The following KIF26B variants were observed in gnomAD, a reference collection of about 807,000 sequenced individuals.
The protein encoded by KIF26B is kinesin family member 26B.
Under a neutral mutation model 151.2 loss-of-function variants are expected in KIF26B, and 63 were observed. That is an observed-to-expected ratio of 0.42 (90% CI 0.34 to 0.51). The LOEUF (loss-of-function observed/expected upper bound fraction) is 0.51. Ranked by LOEUF, KIF26B falls within the 20% of genes least tolerant of loss-of-function variation. The probability of loss-of-function intolerance (pLI) is 0.07; values close to 1 mark genes in which losing one functional copy is unlikely to be tolerated. For synonymous variants in KIF26B, 1,357 were observed against 1,262.1 expected, an observed-to-expected ratio of 1.08 and a Z score of -1.59; for missense variants, 2,813 against 2,913.6, an observed-to-expected ratio of 0.97 and a Z score of 0.79.
In KIF26B at chr1:245,708,667, G is replaced by A. The variant is rs2044870468; in HGVS notation, c.*6061G>A. 6.6e-6 allele frequency: 1 copy of A among 152,140 alleles called. No individual in the cohort carries two copies. Among genetic ancestry groups the A allele is most frequent in the Non-Finnish European group, 1.5e-5 (1 of 68,042 alleles). 9.4% of individuals were successfully genotyped at this position (152,140 alleles called of 1,614,324 possible). ...ATATTCCATAGGACAGAAAACCTGA[G>A]TTCTAATTCCAGCTTTGCCAGTCGT... On this transcript the variant is annotated 3_prime_UTR_variant, in exon 15 of 15. Transcript: ENST00000407071.
intron 2 of KIF26B, among the ~76,000 whole-genome samples, chr1:245,189,684 G>A (rs557881158): frequency 6.6e-6 from 1 of 152,016 alleles, no homozygotes; most frequent in East Asian, 1.9e-4. Flanking sequence ...CCTTCTCTGT[G>A]GCAGGGAGGA....
chr1:245,539,080 A>G (rs1042310214), intron 4 of KIF26B, among the ~76,000 whole-genome samples: 1 of 152,122 alleles, frequency 6.6e-6, no homozygotes, highest in Non-Finnish European at 1.5e-5. Flanking sequence ...CTTTCTCATC[A>G]TCCTACAATA....
intron 2 of KIF26B, among the ~76,000 whole-genome samples, chr1:245,281,920 T>C (rs1156324347): frequency 1.3e-5 from 2 of 151,658 alleles, no homozygotes; most frequent in African/African-American, 4.9e-5. Flanking sequence ...GTTGTAGATA[T>C]GCGGTGTTAT....
intron 2 of KIF26B, among the ~76,000 whole-genome samples, chr1:245,284,614 G>A (rs1158823744): frequency 2.6e-5 from 4 of 152,152 alleles, no homozygotes; most frequent in African/African-American, 7.2e-5. Flanking sequence ...CCTAGTTTTT[G>A]TAGAGTTCTC....
At chr1:245,315,498 G>A (rs1671751084) in intron 2 of KIF26B, among the ~76,000 whole-genome samples, 1 of 152,110 alleles carries the variant, frequency 6.6e-6, no homozygotes. Context: ...TAGGCAGGTG[G>A]ATCACCTGAG....
chr1:245,254,567 A>G (rs766625895), intron 2 of KIF26B, among the ~76,000 whole-genome samples: 2 of 152,230 alleles, frequency 1.3e-5, no homozygotes, highest in Non-Finnish European at 2.9e-5. Context: ...TTCCTATTGA[A>G]AGATACTTGT....
chr1:245,546,939 C>T (rs1181862888), intron 5 of KIF26B, among the ~76,000 whole-genome samples: 1 of 152,248 alleles, frequency 6.6e-6, no homozygotes, highest in African/African-American at 2.4e-5. Flanking sequence ...TTGAGCCTTC[C>T]TTCAACCGAT....
chr1:245,700,268 A>AC, intron 14 of KIF26B, among the ~76,000 whole-genome samples: 1 of 152,294 alleles, frequency 6.6e-6, no homozygotes, highest in South Asian at 2.1e-4. Flanking sequence ...TGGTGACTAC[A>AC]CCATAGGGCA....
rs978292470 is a variant in KIF26B at position 245,704,270 on chromosome 1, C to CAACA, written c.*1666_*1669dup. 3 of 152,248 alleles carry CAACA rather than the reference C, an allele frequency of 2.0e-5. No homozygotes were observed. Among genetic ancestry groups the CAACA allele is most frequent in the South Asian group, 2.1e-4 (1 of 4,830 alleles). The allele number at this position is 152,248 out of a possible 1,614,324, so 9.4% of individuals were successfully genotyped here. ...TCCAAGCTAGGCTGTCTTTATTAAC[C>CAACA]AACAACTCAGCCCCAGCCACTCCCC... On this transcript the variant is annotated 3_prime_UTR_variant, in exon 15 of 15. Coordinates refer to ENST00000407071, the MANE Select transcript of KIF26B (RefSeq NM_018012.4).
chr1:245,281,923 G>A (rs761481964), intron 2 of KIF26B, among the ~76,000 whole-genome samples: 5,986 of 150,892 alleles, frequency 0.04, 133 homozygotes, highest in African/African-American at 0.061. Context: ...GTAGATATGC[G>A]GTGTTATTTC....
At chr1:245,582,168 G>C (rs1390611492) in intron 5 of KIF26B, among the ~76,000 whole-genome samples, 1 of 152,158 alleles carries the variant, frequency 6.6e-6, no homozygotes, top group African/African-American at 2.4e-5. Flanking sequence ...GTCTGTGTTT[G>C]CTGAATGATG....
chr1:245,527,555 A>ATTTTTTTTTTTTT (rs1661266750), intron 4 of KIF26B, among the ~76,000 whole-genome samples: 1 of 10,824 alleles, frequency 9.2e-5, no homozygotes, highest in African/African-American at 3.7e-4. Flanking sequence ...TTTTTTTGAG[A>ATTTTTTTTTTTTT]TGGAGTCTGG....
intron 2 of KIF26B, among the ~76,000 whole-genome samples, chr1:245,332,520 C>G (rs1411666855): frequency 3.9e-5 from 6 of 152,166 alleles, no homozygotes; most frequent in African/African-American, 1.4e-4. Flanking sequence ...AGTGAGCAAG[C>G]TTTTGTCTGA....
chr1:245,601,207 T>G lies in KIF26B; in HGVS notation c.1351-1370T>G, dbSNP rs2043392406. ...CTACTGGGACACTGGCTTCCGGATC[T>G]CCACGGAGAACTGTTCTTAAGTTAG... On this transcript the variant is annotated intron_variant, in intron 5 of 14. Coordinates refer to ENST00000407071, the MANE Select transcript of KIF26B (RefSeq NM_018012.4). This position sits in a 1 kb window ranked among gnomAD's most constrained non-coding sequence, Gnocchi z 4.4. Among the ~76,000 whole-genome samples the G allele has an allele frequency of 1.3e-5, 2 of 150,844 alleles. No individual in the cohort carries two copies. The highest frequency in any genetic ancestry group is 6.6e-5 in the Admixed American group (1 of 15,246).
At chr1:245,500,026 A>G (rs1198118692) in intron 4 of KIF26B, among the ~76,000 whole-genome samples, 1 of 152,220 alleles carries the variant, frequency 6.6e-6, no homozygotes, top group Non-Finnish European at 1.5e-5. Context: ...ATAGCTACAC[A>G]TCATCAATGA....
At chr1:245,399,784 T>C (rs1317887169) in intron 3 of KIF26B, among the ~76,000 whole-genome samples, 2 of 152,216 alleles carry the variant, frequency 1.3e-5, no homozygotes, top group Non-Finnish European at 1.5e-5. Context: ...CCAATATGCA[T>C]TATTAAATAT....
chr1:245,593,510 T>G (rs1446946569), intron 5 of KIF26B, among the ~76,000 whole-genome samples: 1 of 152,228 alleles, frequency 6.6e-6, no homozygotes, highest in East Asian at 1.9e-4. Flanking sequence ...CTCATCCTTT[T>G]TTATGGCTGC....
Position 245,699,050 on chromosome 1 carries a change from T to C in KIF26B, c.6178+13T>C. On this transcript the variant is annotated intron_variant, in intron 14 of 14. Transcript: ENST00000407071. ...TGGCTCAGTGAATGTAAGGCCGGGGTGCCTTCCCACCCTTGTGACTAGTGG... is the reference window on the plus strand; with the variant it reads ...TGGCTCAGTGAATGTAAGGCCGGGGCGCCTTCCCACCCTTGTGACTAGTGG... 1 of 1,611,516 alleles carries C rather than the reference T, an allele frequency of 6.2e-7. No homozygotes were observed. Among genetic ancestry groups the C allele is most frequent in the East Asian group, 2.2e-5 (1 of 44,822 alleles).
chr1:245,281,196 G>T, intron 2 of KIF26B, among the ~76,000 whole-genome samples: 1 of 67,166 alleles, frequency 1.5e-5, no homozygotes, highest in Non-Finnish European at 2.7e-5. Context: ...TTCCACAATG[G>T]TTGAACTAGT....
Sources: gnomAD v4.1 joint callset for allele counts (sites outside exome capture counted in the v4.1 genomes callset) on GRCh38, gnomAD v4.1.1 for gene constraint, Gnocchi (gnomAD v3.1) non-coding constraint, MANE v1.5 for transcripts, NCBI Gene and HGNC (gene_info 2026-07-23, HGNC 2026-07-21) for gene names.